The following DYM variants were observed in gnomAD, a reference collection of about 807,000 sequenced individuals.
DYM encodes dymeclin.
Under a neutral mutation model 93.1 loss-of-function variants are expected in DYM, and 78 were observed. The ratio of observed to expected loss-of-function variants is 0.84; its 90% CI spans 0.70 to 1.01. DYM has a LOEUF of 1.01. DYM is among the 50% of genes least tolerant of loss of function. The pLI, the probability that DYM is intolerant of heterozygous loss-of-function variation, is 0.00. For synonymous variants in DYM, 321 were observed against 319.7 expected, an observed-to-expected ratio of 1.00 and a Z score of -0.04; for missense variants, 789 against 845.0, an observed-to-expected ratio of 0.93 and a Z score of 0.82.
chr18:49,123,193 C>T (rs369342121), intron 15 of DYM, among the ~76,000 whole-genome samples: 2 of 152,108 alleles, frequency 1.3e-5, no homozygotes, highest in South Asian at 2.1e-4. Flanking sequence ...TGCTATCTTT[C>T]TATTGTTAAT....
chr18:49,189,844 C>T (rs2090804388), intron 14 of DYM, among the ~76,000 whole-genome samples: 3 of 152,172 alleles, frequency 2.0e-5, no homozygotes. Context: ...CAAACTCTTG[C>T]AATAGTCACA....
chr18:49,402,964 G>C (rs1012933550), intron 2 of DYM, among the ~76,000 whole-genome samples: 23 of 152,284 alleles, frequency 1.5e-4, no homozygotes, highest in Middle Eastern at 3.4e-3. Flanking sequence ...GTTCTCATCT[G>C]TAAAATGGAG....
intron 14 of DYM, among the ~76,000 whole-genome samples, chr18:49,203,077 G>A (rs111906741): frequency 4.2e-4 from 5 of 11,926 alleles, no homozygotes; most frequent in Non-Finnish European, 6.9e-4. Flanking sequence ...CGCCCGGCCA[G>A]CCGCCCCGTC....
At chr18:49,398,491 C>T (rs945008953) in intron 2 of DYM, among the ~76,000 whole-genome samples, 2 of 152,138 alleles carry the variant, frequency 1.3e-5, no homozygotes, top group African/African-American at 4.8e-5. Context: ...AACTTGGCTG[C>T]ATAGTTTAGG....
At chr18:49,389,681 G>C (rs968796305) in intron 3 of DYM, among the ~76,000 whole-genome samples, 1 of 151,780 alleles carries the variant, frequency 6.6e-6, no homozygotes, top group Non-Finnish European at 1.5e-5. Context: ...CAATTTTTTT[G>C]CGTGTAGATG....
At chr18:49,279,438 C>T (rs971834997) in intron 10 of DYM, among the ~76,000 whole-genome samples, 1 of 152,118 alleles carries the variant, frequency 6.6e-6, no homozygotes. Flanking sequence ...CTAATCAGAG[C>T]CTCAACATAT....
chr18:49,044,394 C>T (rs142582130), intron 17 of DYM, among the ~76,000 whole-genome samples, 190 bp from the exon 18 acceptor site: 3 of 152,264 alleles, frequency 2.0e-5, no homozygotes, highest in African/African-American at 7.2e-5. Flanking sequence ...TGTGAATTAC[C>T]GATGGAGAGA....
chr18:49,113,098 T>C (rs1230178138), intron 16 of DYM, among the ~76,000 whole-genome samples: 1 of 152,036 alleles, frequency 6.6e-6, no homozygotes, highest in African/African-American at 2.4e-5. Context: ...TTGCAGAAAA[T>C]CAAGAATTAT....
rs762693461 is a variant in DYM at position 49,453,552 on chromosome 18, G to A, written c.-54+6846C>T. Among the ~76,000 whole-genome samples the A allele has an allele frequency of 4.6e-5, 7 of 152,212 alleles. No homozygotes were observed. In the East Asian group the frequency reaches 5.8e-4, roughly 13 times the overall value. On this transcript the variant is annotated intron_variant, in intron 1 of 17. Transcript: ENST00000675505. ...ATCAGAAGGAACAAACTCCACACAC[G>A]CCGCCTTTAAGAACTGTAACACTCA...
chr18:49,441,034 A>T (rs867396884), intron 1 of DYM, among the ~76,000 whole-genome samples: 1 of 7,502 alleles, frequency 1.3e-4, no homozygotes, highest in African/African-American at 3.3e-4. Flanking sequence ...TTTATATATA[A>T]TATATAAATA....
At chr18:49,044,986 T>G (rs1051391885) in intron 17 of DYM, among the ~76,000 whole-genome samples, 1 of 152,370 alleles carries the variant, frequency 6.6e-6, no homozygotes, top group Middle Eastern at 3.4e-3. Context: ...GATTTTCTAC[T>G]TTTATTCCTG....
chr18:49,134,978 GA>G (rs1386119864), intron 15 of DYM, among the ~76,000 whole-genome samples: 16 of 151,884 alleles, frequency 1.1e-4, no homozygotes, highest in African/African-American at 3.9e-4. Context: ...CGTGGTGGCA[GA>G]CACCTGTAAT....
At chr18:49,309,214 A>G (rs952073883) in intron 8 of DYM, among the ~76,000 whole-genome samples, 1 of 152,252 alleles carries the variant, frequency 6.6e-6, no homozygotes, top group African/African-American at 2.4e-5. Flanking sequence ...AGTAAAAAGC[A>G]TACTTAGAGA....
intron 8 of DYM, among the ~76,000 whole-genome samples, chr18:49,300,084 T>TAC (rs1478878463): frequency 8.2e-4 from 114 of 138,778 alleles, no homozygotes; most frequent in African/African-American, 2.6e-3. Context: ...TATATATATA[T>TAC]AAATATATAT....
intron 2 of DYM, among the ~76,000 whole-genome samples, chr18:49,396,045 C>A (rs2070029247): frequency 6.6e-6 from 1 of 152,120 alleles, no homozygotes; most frequent in Non-Finnish European, 1.5e-5. Flanking sequence ...CCCATTGCAC[C>A]CTTTCTCATC....
intron 16 of DYM, among the ~76,000 whole-genome samples, chr18:49,113,409 G>A (rs1288344866): frequency 2.0e-5 from 3 of 152,130 alleles, no homozygotes; most frequent in African/African-American, 7.2e-5. Context: ...TGTTTTAGAT[G>A]GGCGAGATAG....
At chr18:49,341,723 CTATT>C (rs530751283) in intron 6 of DYM, among the ~76,000 whole-genome samples, 151 of 152,182 alleles carry the variant, frequency 9.9e-4, no homozygotes, top group South Asian at 2.9e-3. Flanking sequence ...AAAAAATTGA[CTATT>C]TATGAAGTGA....
intron 8 of DYM, among the ~76,000 whole-genome samples, chr18:49,314,553 C>A (rs1165868959): frequency 3.9e-5 from 6 of 152,212 alleles, no homozygotes; most frequent in Non-Finnish European, 5.9e-5. Context: ...GCAGCTGAAC[C>A]TAACTACATT....
intron 14 of DYM, among the ~76,000 whole-genome samples, chr18:49,200,409 T>C (rs1429891387): frequency 6.6e-6 from 1 of 151,972 alleles, no homozygotes; most frequent in East Asian, 1.9e-4. Flanking sequence ...TATATTTTTT[T>C]CATTAAACAT....
Sources: allele counts gnomAD v4.1 joint callset (sites outside exome capture counted in the v4.1 genomes callset), GRCh38; gene constraint gnomAD v4.1.1; transcripts MANE v1.5; gene names NCBI Gene and HGNC (gene_info 2026-07-23, HGNC 2026-07-21).